The following VPS8 variants were observed in gnomAD, a reference collection of about 807,000 sequenced individuals.
The protein encoded by VPS8 is vacuolar protein sorting-associated protein 8 homolog.
VPS8 carries 129 observed loss-of-function variants against 216.4 expected under a neutral mutation model. The ratio of observed to expected loss-of-function variants is 0.60; its 90% CI spans 0.52 to 0.69. VPS8 has a LOEUF of 0.69. VPS8 is among the 30% of genes least tolerant of loss of function. The pLI is 0.00. For missense variants in VPS8, 1,531 were observed against 1,683.5 expected (o/e 0.91, Z 1.59); for synonymous variants, 571 against 565.4 (o/e 1.01, Z -0.14).
At chr3:184,830,619 C>G (rs1314609147) in intron 3 of VPS8, among the ~76,000 whole-genome samples, 2 of 152,146 alleles carry the variant, frequency 1.3e-5, no homozygotes, top group Middle Eastern at 3.4e-3. Context: ...CTTTTTCTTT[C>G]ACTTATCCTG....
At chr3:184,914,511 T>A (rs1424361108) in intron 26 of VPS8, among the ~76,000 whole-genome samples, 10 of 152,304 alleles carry the variant, frequency 6.6e-5, no homozygotes, top group Non-Finnish European at 1.3e-4. Flanking sequence ...TTCTCCCCGG[T>A]TTGTCCTGTC....
At chr3:184,860,314 C>T (rs1726047815) in intron 15 of VPS8, among the ~76,000 whole-genome samples, 1 of 149,898 alleles carries the variant, frequency 6.7e-6, no homozygotes, top group African/African-American at 2.5e-5. Context: ...CACTGCACTC[C>T]AGCCTGGGCA....
At chr3:184,960,605 C>T (rs996426483) in intron 37 of VPS8, among the ~76,000 whole-genome samples, 6 of 152,072 alleles carry the variant, frequency 3.9e-5, no homozygotes, top group African/African-American at 1.4e-4. Context: ...ACAGTGTTTC[C>T]CATATAATTT....
At chr3:184,994,664 C>T (rs372057532) in intron 43 of VPS8, among the ~76,000 whole-genome samples, 12 of 151,930 alleles carry the variant, frequency 7.9e-5, no homozygotes, top group East Asian at 1.9e-4. Flanking sequence ...TAATACAAAG[C>T]TATATACCAC....
intron 25 of VPS8, chr3:184,901,192 CTGGG>C: frequency 2.0e-6 from 1 of 499,738 alleles, no homozygotes; most frequent in Non-Finnish European, 3.5e-6. Flanking sequence ...CAGCCCTGCT[CTGGG>C]CAGTCACTGA....
At chr3:184,827,237 T>C (rs1024861452) in intron 3 of VPS8, among the ~76,000 whole-genome samples, 3 of 152,246 alleles carry the variant, frequency 2.0e-5, no homozygotes, top group Admixed American at 6.5e-5. Flanking sequence ...TGCAAACTAC[T>C]TTCTCTGTCA....
chr3:184,826,055 G>T, intron 2 of VPS8, 108 bp from the exon 3 acceptor site: 1 of 728,358 alleles, frequency 1.4e-6, no homozygotes, highest in South Asian at 1.9e-5. Flanking sequence ...GATCATTTTG[G>T]TGGTAAGTTT....
At chr3:184,883,058 C>A (rs1022242590) in intron 21 of VPS8, among the ~76,000 whole-genome samples, 6 of 152,138 alleles carry the variant, frequency 3.9e-5, no homozygotes, top group African/African-American at 1.4e-4. Flanking sequence ...TGTTCATTCT[C>A]AATTCTGTAT....
At chr3:184,895,951 A>G (rs908723647) in intron 23 of VPS8, among the ~76,000 whole-genome samples, 3 of 151,706 alleles carry the variant, frequency 2.0e-5, no homozygotes, top group Non-Finnish European at 4.4e-5. Flanking sequence ...TGATTTTTTA[A>G]TTCCACATTA....
At position 184,971,659 on chromosome 3, in the gene VPS8, G is replaced by A. The variant is rs745415323; in HGVS notation, c.3327G>A (p.Glu1109=). 6.2e-7 allele frequency: 1 copy of A among 1,611,550 alleles called. No homozygotes were observed. Among genetic ancestry groups the A allele is most frequent in the African/African-American group, 1.3e-5 (1 of 74,986 alleles). ...TTTTTCTAAATCTAGATACCAAAGA[G>A]GATCCCTCATTGAAGGATGTTGAAG... ...EVTHQGENTK[E]DPSLKDVEDT... is the part of the protein sequence containing the mutation. Residue 1109 remains glutamate (E), a synonymous_variant, in exon 40 of 48, where the codon GAG becomes GAA. Coordinates refer to ENST00000625842, the MANE Select transcript of VPS8 (RefSeq NM_001009921.3).
At chr3:184,894,965 T>G in intron 23 of VPS8, 40 bp downstream of exon 23, 1 of 1,503,650 alleles carries the variant, frequency 6.7e-7, no homozygotes, top group Non-Finnish European at 9.1e-7. Context: ...GAAATAAACT[T>G]CATTCCTTTA....
chr3:184,935,482 G>C (rs1468330720), intron 34 of VPS8, among the ~76,000 whole-genome samples: 4 of 152,156 alleles, frequency 2.6e-5, no homozygotes, highest in African/African-American at 9.7e-5. Flanking sequence ...TGGTTTGTCT[G>C]AGTTTTATTT....
intron 26 of VPS8, 58 bp from the exon 27 acceptor site, chr3:184,914,923 C>G: frequency 2.0e-6 from 3 of 1,499,904 alleles, no homozygotes; most frequent in African/African-American, 1.4e-5. Context: ...ATGTGTTACT[C>G]GCTTGAAAGT....
intron 5 of VPS8, among the ~76,000 whole-genome samples, chr3:184,837,398 TTAAG>T (rs550737786): frequency 8.6e-4 from 131 of 152,338 alleles, no homozygotes; most frequent in African/African-American, 3.1e-3. Flanking sequence ...ACTGACAACA[TTAAG>T]TGAGGTCTTA....
At chr3:184,918,585 A>G (rs1311248094) in intron 28 of VPS8, among the ~76,000 whole-genome samples, 1 of 152,264 alleles carries the variant, frequency 6.6e-6, no homozygotes, top group East Asian at 1.9e-4. Context: ...TTATGTTCAC[A>G]GAATCAAACT....
intron 40 of VPS8, among the ~76,000 whole-genome samples, chr3:184,975,481 A>G (rs1447207500): frequency 6.6e-6 from 1 of 152,064 alleles, no homozygotes; most frequent in Non-Finnish European, 1.5e-5. Flanking sequence ...TCTATGAGAT[A>G]ATGTCATTTT....
At chr3:184,958,166 C>T (rs951198874) in intron 37 of VPS8, among the ~76,000 whole-genome samples, 1 of 151,960 alleles carries the variant, frequency 6.6e-6, no homozygotes, top group East Asian at 1.9e-4. Context: ...GTGGTTTTGA[C>T]GTAATAGATT....
intron 45 of VPS8, among the ~76,000 whole-genome samples, chr3:185,018,662 C>T (rs1440900325): frequency 6.6e-6 from 1 of 152,230 alleles, no homozygotes; most frequent in Non-Finnish European, 1.5e-5. Flanking sequence ...AGTCCCATTA[C>T]AAGAGGAGAA....
intron 1 of VPS8, among the ~76,000 whole-genome samples, chr3:184,813,202 C>T (rs1715540312): frequency 6.6e-6 from 1 of 151,952 alleles, no homozygotes; most frequent in African/African-American, 2.4e-5. Context: ...ATAAGCAGGC[C>T]CCCTCCACTT....
Sources: allele counts gnomAD v4.1 joint callset (sites outside exome capture counted in the v4.1 genomes callset), GRCh38; gene constraint gnomAD v4.1.1; transcripts MANE v1.5; gene names NCBI Gene and HGNC (gene_info 2026-07-23, HGNC 2026-07-21).